The following CPB1 variants were observed in gnomAD, a reference collection of about 807,000 sequenced individuals.
CPB1 encodes carboxypeptidase B1, also known as carboxypeptidase B.
CPB1 carries 53 observed loss-of-function variants against 51.4 expected under a neutral mutation model. That is an observed-to-expected ratio of 1.03 (90% CI 0.83 to 1.30). The LOEUF (loss-of-function observed/expected upper bound fraction) is 1.30, where lower values mean the gene tolerates loss of function less well. Ranked by LOEUF, CPB1 falls within the 50% of genes most tolerant of loss-of-function variation. The probability of loss-of-function intolerance (pLI) is 0.00; values close to 1 mark genes in which losing one functional copy is unlikely to be tolerated. For synonymous variants in CPB1, 189 were observed against 186.9 expected (o/e 1.01, Z -0.09); for missense variants, 494 against 516.2 (o/e 0.96, Z 0.42).
At chr3:148,846,797 G>GTGTGTGTA (rs1364486523) in intron 9 of CPB1, among the ~76,000 whole-genome samples, 50 of 50,534 alleles carry the variant, frequency 9.9e-4, no homozygotes, top group South Asian at 5.7e-3. Context: ...GTGTGCGTGT[G>GTGTGTGTA]TATATATATA....
intron 9 of CPB1, among the ~76,000 whole-genome samples, chr3:148,848,565 C>T (rs1713325086): frequency 1.3e-5 from 2 of 152,020 alleles, no homozygotes; most frequent in Admixed American, 6.5e-5. Flanking sequence ...TAAGACTAGA[C>T]TAAAGGAAAT....
At chr3:148,829,186 C>A (rs1343370456) in intron 2 of CPB1, among the ~76,000 whole-genome samples, 1 of 152,130 alleles carries the variant, frequency 6.6e-6, no homozygotes, top group Non-Finnish European at 1.5e-5. Flanking sequence ...TCAAGCTTTC[C>A]GTAATTTTTC....
chr3:148,835,405 G>A (rs1712875336), intron 3 of CPB1, among the ~76,000 whole-genome samples: 1 of 152,190 alleles, frequency 6.6e-6, no homozygotes, highest in African/African-American at 2.4e-5. Flanking sequence ...AAGTGCTGGA[G>A]TTCAGAAGAA....
chr3:148,846,802 T>C, intron 9 of CPB1, among the ~76,000 whole-genome samples: 1 of 62,226 alleles, frequency 1.6e-5, no homozygotes, highest in African/African-American at 8.2e-5. Context: ...CGTGTGTATA[T>C]ATATATATAT....
chr3:148,859,850 GACC>G lies in CPB1; in HGVS notation c.1104_1106del (p.Asp368_Gln369delinsGlu). On this transcript the variant is annotated inframe_deletion, in exon 11 of 11. Coordinates refer to ENST00000282957, the MANE Select transcript of CPB1 (RefSeq NM_001871.3). ...TGGGGGCTCTGACGACTGGGCTTATGACCAAGGAATCAGATATTCCTTCACCTT... is the reference window on the plus strand; with the variant it reads ...TGGGGGCTCTGACGACTGGGCTTATGAAGGAATCAGATATTCCTTCACCTT... 1.9e-6 allele frequency: 3 copies of G among 1,613,930 alleles called. No individual in the cohort carries two copies. Among genetic ancestry groups the G allele is most frequent in the Non-Finnish European group, 2.5e-6 (3 of 1,179,934 alleles).
At chr3:148,834,724 C>T (rs575346670) in intron 3 of CPB1, 102 bp downstream of exon 3, 14 of 1,140,988 alleles carry the variant, frequency 1.2e-5, no homozygotes, top group Middle Eastern at 3.0e-4. Flanking sequence ...AAGACCAATG[C>T]CTTCCCCAGG....
chr3:148,846,779 A>ATGTG (rs1326750214), intron 9 of CPB1, among the ~76,000 whole-genome samples: 651 of 62,070 alleles, frequency 0.01, 26 homozygotes, highest in South Asian at 0.024. Context: ...ATACACATAT[A>ATGTG]TATGTGTGTG....
At chr3:148,835,554 A>G (rs1309207558) in intron 3 of CPB1, among the ~76,000 whole-genome samples, 1 of 152,190 alleles carries the variant, frequency 6.6e-6, no homozygotes, top group Non-Finnish European at 1.5e-5. Context: ...CCATATGCTG[A>G]GGCTTAGAAG....
intron 2 of CPB1, 137 bp downstream of exon 2, chr3:148,828,214 A>G (rs1492094): frequency 0.63 from 434,142 of 689,950 alleles, 141,497 homozygotes; most frequent in East Asian, 0.94. Flanking sequence ...GAAAACATTT[A>G]GTGCCATAAT....
At chr3:148,845,373 A>G (rs1389718340) in intron 8 of CPB1, 51 bp from the exon 9 acceptor site, 7 of 1,554,292 alleles carry the variant, frequency 4.5e-6, no homozygotes, top group East Asian at 2.2e-5. Flanking sequence ...AAACATCCCC[A>G]CAAGAACTTC....
rs368147767 is a variant in CPB1 at position 148,857,689 on chromosome 3, C to A, written c.1066+148C>A. ...TAAAATATGTAATCAGTTTTCTGTT[C>A]AAAAAAAAAAAAAGGAGGGAAAGCC... On this transcript the variant is annotated intron_variant, in intron 10 of 10. Transcript: ENST00000282957. The A allele has an allele frequency of 7.9e-3, 2,483 of 315,668 alleles. 18 individuals are homozygous for A. Among genetic ancestry groups the A allele is most frequent in the South Asian group, 0.034 (372 of 10,868 alleles). 19.6% of individuals were successfully genotyped at this position (315,668 alleles called of 1,614,324 possible).
At chr3:148,841,061 G>T in intron 5 of CPB1, 86 bp downstream of exon 5, 1 of 1,092,322 alleles carries the variant, frequency 9.2e-7, no homozygotes, top group Non-Finnish European at 1.4e-6. Flanking sequence ...TCACAGACAC[G>T]CTTATCCCAA....
chr3:148,827,923 C>G, intron 1 of CPB1, 29 bp downstream of exon 1: 1 of 1,611,294 alleles, frequency 6.2e-7, no homozygotes, highest in East Asian at 2.2e-5. Flanking sequence ...AGGAGCAAGT[C>G]CTTCTTCCTT....
intron 2 of CPB1, among the ~76,000 whole-genome samples, chr3:148,831,864 C>A (rs1712748115): frequency 6.6e-6 from 1 of 152,092 alleles, no homozygotes; most frequent in Non-Finnish European, 1.5e-5. Context: ...ATATTTATCA[C>A]CTTATGTTAT....
intron 9 of CPB1, among the ~76,000 whole-genome samples, chr3:148,853,111 T>C (rs1713479881): frequency 6.6e-6 from 1 of 152,222 alleles, no homozygotes; most frequent in South Asian, 2.1e-4. Context: ...GTTTCTCTTA[T>C]CACAAATATT....
chr3:148,842,600 C>T (rs145992600), intron 6 of CPB1, among the ~76,000 whole-genome samples: 1 of 152,220 alleles, frequency 6.6e-6, no homozygotes, highest in East Asian at 1.9e-4. Context: ...AATATATGTA[C>T]AAAGAATGAG....
Position 148,834,575 on chromosome 3 carries a change from T to C in CPB1, c.225T>C (p.Asp75=). The C allele has an allele frequency of 1.2e-6, 2 of 1,613,268 alleles. No individual in the cohort carries two copies. Among genetic ancestry groups the C allele is most frequent in the Non-Finnish European group, 1.7e-6 (2 of 1,179,238 alleles). ...STVDFRVKAE[D]TVTVENVLKQ... The stretch of plus-strand genomic sequence containing the variant: ...TTGACTTCCGTGTTAAAGCAGAAGA[T>C]ACTGTCACTGTGGAGAATGTTCTAA... The change falls in exon 3 of 11, where the codon GAT becomes GAC. Residue 75 remains aspartate (D), a synonymous_variant. Transcript: ENST00000282957.
At chr3:148,857,324 G>C (rs895402595) in intron 9 of CPB1, 133 bp from the exon 10 acceptor site, 1 of 623,040 alleles carries the variant, frequency 1.6e-6, no homozygotes, top group African/African-American at 1.9e-5. Context: ...AATGAAAATG[G>C]GTCCTGAATA....
chr3:148,844,468 T>C lies in CPB1; in HGVS notation c.577-10T>C. 6.3e-7 allele frequency: 1 copy of C among 1,597,998 alleles called. No homozygotes were observed. The highest frequency in any genetic ancestry group is 1.1e-5 in the South Asian group (1 of 89,664). ...TTTCCATGAAATTCCTCTTCATAAT[T>C]CACATACAGGCTGTTCGTACCTATG... On this transcript the variant is annotated splice_polypyrimidine_tract_variant and intron_variant, in intron 6 of 10. Coordinates refer to ENST00000282957, the MANE Select transcript of CPB1 (RefSeq NM_001871.3).
Sources: allele counts gnomAD v4.1 joint callset (sites outside exome capture counted in the v4.1 genomes callset), GRCh38; gene constraint gnomAD v4.1.1; transcripts MANE v1.5; gene names NCBI Gene and HGNC (gene_info 2026-07-23, HGNC 2026-07-21).